Variants in CLEC19A observed in about 807,000 individuals in gnomAD.
CLEC19A encodes the protein C-type lectin domain containing 19A.
A neutral mutation model predicts 26.1 loss-of-function variants in CLEC19A; 21 were observed. The ratio of observed to expected loss-of-function variants is 0.80; its 90% CI spans 0.57 to 1.16. CLEC19A has a LOEUF of 1.16. Ranked by LOEUF, CLEC19A falls within the 50% of genes most tolerant of loss-of-function variation. CLEC19A has a pLI of 0.00. For missense variants in CLEC19A, 224 were observed against 227.6 expected, an observed-to-expected ratio of 0.98 and a Z score of 0.10; for synonymous variants, 89 against 88.6, an observed-to-expected ratio of 1.00 and a Z score of -0.03.
At chr16:19,304,707 A>C (rs61609615) in intron 3 of CLEC19A, among the ~76,000 whole-genome samples, 26,655 of 152,030 alleles carry the variant, frequency 0.18, 2,802 homozygotes, top group Non-Finnish European at 0.22. Context: ...ACTTGAAAAA[A>C]AAAAAGAAGA....
chr16:19,304,709 AAAAG>A (rs1045572419), intron 3 of CLEC19A, among the ~76,000 whole-genome samples: 49 of 152,062 alleles, frequency 3.2e-4, no homozygotes, highest in Admixed American at 2.0e-4. Flanking sequence ...TTGAAAAAAA[AAAAG>A]AAGACACTAA....
intron 1 of CLEC19A, among the ~76,000 whole-genome samples, chr16:19,291,960 G>A (rs930121265): frequency 3.3e-5 from 5 of 152,196 alleles, no homozygotes; most frequent in Admixed American, 3.3e-4. Context: ...GAATGGGGAG[G>A]TGGGGTGTAA....
Position 19,298,787 on chromosome 16 carries a change from G to C in CLEC19A, c.203G>C (p.Cys68Ser), listed in dbSNP as rs998397007. The C allele has an allele frequency of 4.5e-6, 7 of 1,550,542 alleles. No homozygotes were observed. The highest frequency in any genetic ancestry group is 6.1e-6 in the Non-Finnish European group (7 of 1,147,014). The change falls in exon 2 of 5, where the codon TGT (cysteine) becomes TCT (serine). Residue 68 changes from cysteine to serine, a missense_variant. Transcript: ENST00000636231. ...NKTWAEADLY[C>S]SEFSVGRKSA... ...ACCTGGGCTGAGGCCGACCTCTACT[G>C]TTCTGAGTTCTCTGTGGGCAGGAAG...
chr16:19,303,794 A>G, intron 2 of CLEC19A: 1 of 355,580 alleles, frequency 2.8e-6, no homozygotes, highest in Non-Finnish European at 5.2e-6. Flanking sequence ...AATCCACCTC[A>G]TTTGCTAGTG....
At chr16:19,301,740 T>TTTTTTTTTTTG (rs1897831687) in intron 2 of CLEC19A, among the ~76,000 whole-genome samples, 1 of 94,832 alleles carries the variant, frequency 1.1e-5, no homozygotes, top group Non-Finnish European at 1.9e-5. Flanking sequence ...TTTTTGGTTT[T>TTTTTTTTTTTG]TTTTTTTTTT....
chr16:19,295,727 AGGTAGAAATGATTTGCT>A (rs1220758573), intron 1 of CLEC19A, among the ~76,000 whole-genome samples: 1 of 152,170 alleles, frequency 6.6e-6, no homozygotes, highest in African/African-American at 2.4e-5. Flanking sequence ...AGTGGAAAGA[AGGTAGAAATGATTTGCT>A]GGTAGAAATG....
intron 1 of CLEC19A, among the ~76,000 whole-genome samples, chr16:19,297,427 T>G (rs1897728228): frequency 6.6e-6 from 1 of 152,206 alleles, no homozygotes; most frequent in Non-Finnish European, 1.5e-5. Flanking sequence ...CATGGGAGGA[T>G]AAATTGCTTT....
intron 2 of CLEC19A, among the ~76,000 whole-genome samples, chr16:19,302,181 A>G (rs553603330): frequency 6.6e-6 from 1 of 152,070 alleles, no homozygotes. Flanking sequence ...TGGCTGGAGC[A>G]CTGTGTTAAG....
At chr16:19,295,660 C>T (rs766428818) in intron 1 of CLEC19A, among the ~76,000 whole-genome samples, 23 of 152,152 alleles carry the variant, frequency 1.5e-4, no homozygotes, top group Non-Finnish European at 1.8e-4. Context: ...TGAGTCATCC[C>T]AGTCACTCCT....
chr16:19,298,602 AG>A (rs1161168560), intron 1 of CLEC19A, 70 bp from the exon 2 acceptor site: 4 of 1,420,818 alleles, frequency 2.8e-6, no homozygotes, highest in Non-Finnish European at 3.8e-6. Context: ...AAAAGAAAAT[AG>A]GTTCTAAGCT....
intron 1 of CLEC19A, among the ~76,000 whole-genome samples, chr16:19,293,135 A>C (rs543852867): frequency 6.6e-6 from 1 of 152,234 alleles, no homozygotes; most frequent in Non-Finnish European, 1.5e-5. Context: ...GGGAAAAAAG[A>C]GATTATTTTT....
At chr16:19,307,478 G>T in intron 3 of CLEC19A, 67 bp from the exon 4 acceptor site, 2 of 1,533,226 alleles carry the variant, frequency 1.3e-6, no homozygotes, top group Non-Finnish European at 1.8e-6. Flanking sequence ...AGCTGGAGCT[G>T]CCTGGCTCAA....
At position 19,309,318 on chromosome 16, in the gene CLEC19A, A is replaced by G. The variant is rs747226387; in HGVS notation, c.*235A>G. 1.9e-5 allele frequency: 8 copies of G among 428,406 alleles called. No individual in the cohort carries two copies. Among genetic ancestry groups the G allele is most frequent in the Non-Finnish European group, 3.0e-5 (7 of 235,306 alleles). The allele number at this position is 428,406 out of a possible 1,614,324, so 26.5% of individuals were successfully genotyped here. A position where few individuals can be genotyped will look rare whatever the true frequency, so the allele number is the denominator to read the frequency against. On this transcript the variant is annotated 3_prime_UTR_variant, in exon 5 of 5. Transcript: ENST00000636231. Reference sequence around the variant, plus strand: ...TTTTTTTTTTTAAATTGACCCAAGTAACAAAAATCCAGGGGTTGTTCTGAT... The same window carrying G: ...TTTTTTTTTTTAAATTGACCCAAGTGACAAAAATCCAGGGGTTGTTCTGAT...
At chr16:19,302,611 A>T (rs1388555763) in intron 2 of CLEC19A, among the ~76,000 whole-genome samples, 1 of 152,198 alleles carries the variant, frequency 6.6e-6, no homozygotes, top group Admixed American at 6.5e-5. Context: ...TTTTAGTGCC[A>T]TGTGGAAGCC....
At chr16:19,297,699 C>A (rs1299625871) in intron 1 of CLEC19A, among the ~76,000 whole-genome samples, 1 of 152,074 alleles carries the variant, frequency 6.6e-6, no homozygotes, top group African/African-American at 2.4e-5. Flanking sequence ...AATGCTTATA[C>A]TCTTTAATTT....
At chr16:19,291,776 T>C (rs957131872) in intron 1 of CLEC19A, among the ~76,000 whole-genome samples, 1 of 152,192 alleles carries the variant, frequency 6.6e-6, no homozygotes, top group Non-Finnish European at 1.5e-5. Context: ...ATCGTTTTGG[T>C]GCAAGCCAGC....
Position 19,304,170 on chromosome 16 carries a change from G to A in CLEC19A, c.348+15G>A. On this transcript the variant is annotated intron_variant, in intron 3 of 4. Coordinates refer to ENST00000636231, the MANE Select transcript of CLEC19A (RefSeq NM_001256720.2). ...ATCACAGACAGGTGAGAAAGCAGTG[G>A]CCATTGGGCCCCCTTGGAAGCTCCA... 2.6e-6 allele frequency: 4 copies of A among 1,546,092 alleles called. No individual in the cohort carries two copies. The highest frequency in any genetic ancestry group is 3.5e-6 in the Non-Finnish European group (4 of 1,142,888).
Position 19,298,683 on chromosome 16 carries a change from G to A in CLEC19A, c.99G>A (p.Glu33=). 2 of 1,551,006 alleles carry A rather than the reference G, an allele frequency of 1.3e-6. No individual in the cohort carries two copies. Among genetic ancestry groups the A allele is most frequent in the Non-Finnish European group, 1.7e-6 (2 of 1,147,090 alleles). Residue 33 remains glutamate, a synonymous_variant, in exon 2 of 5, where the codon GAG becomes GAA. Coordinates refer to ENST00000636231, the MANE Select transcript of CLEC19A (RefSeq NM_001256720.2). ...CCTTTCTGCCCCCAGCCCTGCCAGA[G>A]CTGCCCCTGCCTTCCCTGTGCCCCC... ...TDISISPALP[E]LPLPSLCPLF...
intron 1 of CLEC19A, among the ~76,000 whole-genome samples, chr16:19,291,517 T>G (rs1270235100): frequency 6.6e-6 from 1 of 152,186 alleles, no homozygotes; most frequent in Non-Finnish European, 1.5e-5. Context: ...AGATTGAGTG[T>G]ATTTTTCTGT....
Sources: allele counts gnomAD v4.1 joint callset (sites outside exome capture counted in the v4.1 genomes callset), GRCh38; gene constraint gnomAD v4.1.1; transcripts MANE v1.5; gene names NCBI Gene and HGNC (gene_info 2026-07-23, HGNC 2026-07-21).